UBR3: variants seen among roughly 807,000 people sequenced by gnomAD.
The protein encoded by UBR3 is E3 ubiquitin-protein ligase UBR3.
In UBR3, 85 loss-of-function variants were observed where a neutral mutation model predicts 243.2. That is an observed-to-expected ratio of 0.35 (90% CI 0.29 to 0.42). The LOEUF (loss-of-function observed/expected upper bound fraction) is 0.42, where lower values mean the gene tolerates loss of function less well. Ranked by LOEUF, UBR3 falls within the 10% of genes least tolerant of loss-of-function variation. The pLI is 1.00. For missense variants in UBR3, 1,686 were observed against 2,300.8 expected, an observed-to-expected ratio of 0.73 and a Z score of 5.47; for synonymous variants, 748 against 799.8, an observed-to-expected ratio of 0.94 and a Z score of 1.09.
At chr2:170,056,721 T>C (rs1251069641) in intron 33 of UBR3, among the ~76,000 whole-genome samples, 1 of 152,246 alleles carries the variant, frequency 6.6e-6, no homozygotes, top group African/African-American at 2.4e-5. Flanking sequence ...ATGAAATGTA[T>C]TCAATATAAC....
chr2:169,902,277 C>A (rs1370337076), intron 8 of UBR3, among the ~76,000 whole-genome samples: 1 of 152,290 alleles, frequency 6.6e-6, no homozygotes, highest in African/African-American at 2.4e-5. Flanking sequence ...AAACCATGGC[C>A]ATCTCTAAGC....
At chr2:169,845,292 G>T (rs184912133) in intron 1 of UBR3, among the ~76,000 whole-genome samples, 4 of 151,734 alleles carry the variant, frequency 2.6e-5, no homozygotes, top group African/African-American at 9.7e-5. Flanking sequence ...GCATGGTGGC[G>T]TGTGCCTGTA....
intron 35 of UBR3, among the ~76,000 whole-genome samples, chr2:170,062,537 T>A (rs2091476413): frequency 6.6e-6 from 1 of 152,238 alleles, no homozygotes; most frequent in South Asian, 2.1e-4. Flanking sequence ...ATTCTTAGAA[T>A]AATCATTCAT....
At chr2:169,946,227 CTAAA>C in intron 20 of UBR3, 57 bp from the exon 21 acceptor site, 1 of 984,662 alleles carries the variant, frequency 1.0e-6, no homozygotes, top group Non-Finnish European at 1.5e-6. Context: ...TTTTGGATCT[CTAAA>C]TGAAATACCT....
chr2:169,886,087 G>A (rs896641704), intron 5 of UBR3, among the ~76,000 whole-genome samples: 7 of 151,436 alleles, frequency 4.6e-5, no homozygotes, highest in Admixed American at 2.0e-4. Flanking sequence ...AACCCGGGAG[G>A]TGGAGGTTGA....
chr2:169,837,953 A>G (rs995211635), intron 1 of UBR3, among the ~76,000 whole-genome samples: 3 of 152,204 alleles, frequency 2.0e-5, no homozygotes, highest in Admixed American at 1.3e-4. Flanking sequence ...TTGTATTGAT[A>G]TGTCTCTTAT....
intron 23 of UBR3, among the ~76,000 whole-genome samples, chr2:169,955,190 C>G (rs539955401): frequency 6.6e-6 from 1 of 152,244 alleles, no homozygotes; most frequent in African/African-American, 2.4e-5. Flanking sequence ...ATCATGTCTG[C>G]CAGACTTCTT....
At chr2:169,990,250 A>G (rs563795510) in intron 25 of UBR3, among the ~76,000 whole-genome samples, 4 of 152,290 alleles carry the variant, frequency 2.6e-5, no homozygotes, top group East Asian at 1.9e-4. Flanking sequence ...AGGGCCTTTA[A>G]GTACATTTAT....
chr2:169,945,186 A>G (rs2086741527), intron 20 of UBR3, among the ~76,000 whole-genome samples: 1 of 150,788 alleles, frequency 6.6e-6, no homozygotes, highest in Admixed American at 6.6e-5. Context: ...TGAAAGGGCT[A>G]GGAGGGGCTC....
intron 11 of UBR3, among the ~76,000 whole-genome samples, chr2:169,915,946 T>C (rs890118247): frequency 6.6e-6 from 1 of 152,152 alleles, no homozygotes; most frequent in African/African-American, 2.4e-5. Flanking sequence ...TCCCATCATT[T>C]TTTGAGAACT....
At chr2:170,076,239 T>A (rs1042338575) in intron 36 of UBR3, among the ~76,000 whole-genome samples, 2 of 152,324 alleles carry the variant, frequency 1.3e-5, no homozygotes, top group African/African-American at 4.8e-5. Context: ...AAAGAACTTA[T>A]AATGTTATTA....
chr2:169,941,225 G>A (rs557996472), intron 19 of UBR3, among the ~76,000 whole-genome samples: 1 of 152,148 alleles, frequency 6.6e-6, no homozygotes, highest in East Asian at 1.9e-4. Context: ...ATAGTACAAT[G>A]GTCCCCCTCT....
At chr2:169,927,769 C>T (rs2085965253) in intron 17 of UBR3, among the ~76,000 whole-genome samples, 1 of 152,098 alleles carries the variant, frequency 6.6e-6, no homozygotes, top group African/African-American at 2.4e-5. Context: ...TCATGGTTAA[C>T]AGTTAAAGGT....
intron 11 of UBR3, among the ~76,000 whole-genome samples, chr2:169,917,826 CTGAG>C (rs1358770892): frequency 2.0e-5 from 3 of 152,112 alleles, no homozygotes; most frequent in African/African-American, 7.2e-5. Flanking sequence ...CCTCAGTCTC[CTGAG>C]TAACTGGGAC....
At chr2:169,861,992 A>C (rs887986864) in intron 1 of UBR3, among the ~76,000 whole-genome samples, 1 of 152,056 alleles carries the variant, frequency 6.6e-6, no homozygotes, top group African/African-American at 2.4e-5. Context: ...CATAGATTTG[A>C]ATTTTGCCTT....
intron 36 of UBR3, chr2:170,077,516 T>C: frequency 2.0e-6 from 2 of 992,600 alleles, no homozygotes; most frequent in Non-Finnish European, 1.5e-6. Context: ...ATAAGTAGTT[T>C]TCTTGTAAAG....
At chr2:169,974,954 G>A (rs899979366) in intron 24 of UBR3, among the ~76,000 whole-genome samples, 1 of 152,174 alleles carries the variant, frequency 6.6e-6, no homozygotes, top group Non-Finnish European at 1.5e-5. Context: ...GTCCAAGCGG[G>A]TGGATTGCTT....
At chr2:170,050,494 C>A (rs111654296) in intron 32 of UBR3, among the ~76,000 whole-genome samples, 1 of 152,160 alleles carries the variant, frequency 6.6e-6, no homozygotes, top group African/African-American at 2.4e-5. Context: ...ATATACTCTA[C>A]CTTGTCTTAA....
chr2:169,900,007 T>C (rs1186598118), intron 8 of UBR3, among the ~76,000 whole-genome samples: 4 of 152,232 alleles, frequency 2.6e-5, no homozygotes, highest in African/African-American at 7.2e-5. Context: ...TTTGGGTATA[T>C]ACCCAGTAAA....
Sources: gnomAD v4.1 joint callset for allele counts (sites outside exome capture counted in the v4.1 genomes callset) on GRCh38, gnomAD v4.1.1 for gene constraint, MANE v1.5 for transcripts, NCBI Gene and HGNC (gene_info 2026-07-23, HGNC 2026-07-21) for gene names.